Variants in SYT1 observed in about 807,000 individuals in gnomAD.
The protein encoded by SYT1 is synaptotagmin 1.
SYT1 carries 8 observed loss-of-function variants against 44.8 expected under a neutral mutation model. The observed-to-expected ratio is 0.18, with a 90% CI of 0.10 to 0.32. The LOEUF (loss-of-function observed/expected upper bound fraction) is 0.32, where lower values mean the gene tolerates loss of function less well. SYT1 is among the 10% of genes least tolerant of loss of function. SYT1 has a pLI of 1.00. For synonymous variants in SYT1, 154 were observed against 188.8 expected (o/e 0.82, Z 1.51); for missense variants, 286 against 509.3 (o/e 0.56, Z 4.22).
intron 2 of SYT1, among the ~76,000 whole-genome samples, chr12:79,021,856 A>G (rs1872216051): frequency 6.6e-6 from 1 of 151,890 alleles, no homozygotes. Flanking sequence ...TAACATTTTT[A>G]TTCTGTTGCC....
intron 1 of SYT1, among the ~76,000 whole-genome samples, chr12:78,953,555 T>C (rs1009040832): frequency 1.3e-5 from 2 of 152,120 alleles, no homozygotes; most frequent in Admixed American, 1.3e-4. Context: ...GGTATTATTG[T>C]CTTGAAAACT....
chr12:79,148,365 T>A (rs139492975), intron 3 of SYT1, among the ~76,000 whole-genome samples: 13 of 152,282 alleles, frequency 8.5e-5, no homozygotes, highest in African/African-American at 3.1e-4. Context: ...TCAGTGATAA[T>A]CTTTTTTTCC....
intron 8 of SYT1, among the ~76,000 whole-genome samples, chr12:79,312,550 T>C (rs1880861821): frequency 6.6e-6 from 1 of 152,212 alleles, no homozygotes; most frequent in African/African-American, 2.4e-5. Flanking sequence ...TATTTGTAAG[T>C]TGATGTGTAG....
intron 3 of SYT1, among the ~76,000 whole-genome samples, chr12:79,146,508 C>A (rs1245364593): frequency 6.6e-6 from 1 of 152,164 alleles, no homozygotes; most frequent in Non-Finnish European, 1.5e-5. Context: ...GCCTACAACA[C>A]CACCACACCA....
chr12:79,300,052 T>A (rs7978174), intron 8 of SYT1, among the ~76,000 whole-genome samples: 1 of 151,914 alleles, frequency 6.6e-6, no homozygotes, highest in South Asian at 2.1e-4. Context: ...ACATCAAATA[T>A]AATTCACAAA....
chr12:79,301,694 C>A (rs1880158962), intron 8 of SYT1, among the ~76,000 whole-genome samples: 1 of 152,074 alleles, frequency 6.6e-6, no homozygotes, highest in Non-Finnish European at 1.5e-5. Context: ...TGTGTCTCTT[C>A]CCTCTATTTT....
intron 1 of SYT1, among the ~76,000 whole-genome samples, chr12:78,878,890 AG>A (rs1874311475): frequency 6.6e-6 from 1 of 151,758 alleles, no homozygotes; most frequent in South Asian, 2.1e-4. Context: ...CCAGTGCCCC[AG>A]TGTCTTATAA....
Position 79,285,758 on chromosome 12 carries a change from G to T in SYT1, c.167-29G>T. 2.0e-6 allele frequency: 3 copies of T among 1,528,266 alleles called. No homozygotes were observed. The South Asian group carries it at 3.6e-5, about 18-fold the overall frequency. 94.7% of individuals were successfully genotyped at this position (1,528,266 alleles called of 1,614,324 possible). A position where few individuals can be genotyped will look rare whatever the true frequency, so the allele number is the denominator to read the frequency against. The stretch of plus-strand genomic sequence containing the variant: ...GGTTTTCCACATCTAAGTGTTGTAT[G>T]ACTAGTGCTCTCTGTGTGTTTCTTT... On this transcript the variant is annotated intron_variant, in intron 4 of 10. Transcript: ENST00000261205.
chr12:79,216,663 A>G (rs1874824958), intron 3 of SYT1, among the ~76,000 whole-genome samples: 1 of 152,202 alleles, frequency 6.6e-6, no homozygotes, highest in Non-Finnish European at 1.5e-5. Flanking sequence ...AGCTGTTTGT[A>G]TTGATTACTT....
At chr12:78,911,548 T>G (rs1232861184) in intron 1 of SYT1, among the ~76,000 whole-genome samples, 1 of 150,356 alleles carries the variant, frequency 6.7e-6, no homozygotes, top group African/African-American at 2.5e-5. Flanking sequence ...GGTTTAAGAG[T>G]GAGAGAAGAT....
chr12:79,330,804 G>T (rs1299721070), intron 8 of SYT1, among the ~76,000 whole-genome samples: 1 of 152,122 alleles, frequency 6.6e-6, no homozygotes, highest in Admixed American at 6.5e-5. Context: ...TCCTGATGAG[G>T]ACATGAAGGT....
intron 2 of SYT1, chr12:79,045,806 C>T (rs1339139551): frequency 6.6e-6 from 1 of 152,234 alleles, no homozygotes; most frequent in East Asian, 1.9e-4. Context: ...CACTGCATCC[C>T]TTTGGGAAGC....
chr12:78,957,939 A>G (rs974203711), intron 1 of SYT1, among the ~76,000 whole-genome samples: 10 of 152,220 alleles, frequency 6.6e-5, no homozygotes, highest in African/African-American at 2.4e-4. Context: ...CAGCCTTCAG[A>G]TAATTTTCAA....
chr12:78,892,485 TA>T (rs1875112888), intron 1 of SYT1, among the ~76,000 whole-genome samples: 1 of 151,660 alleles, frequency 6.6e-6, no homozygotes, highest in East Asian at 1.9e-4. Flanking sequence ...AAATGACCAG[TA>T]TAGACCTAAA....
intron 1 of SYT1, among the ~76,000 whole-genome samples, chr12:78,896,549 T>C (rs1875368966): frequency 6.6e-6 from 1 of 151,694 alleles, no homozygotes; most frequent in Non-Finnish European, 1.5e-5. Context: ...TTCTGAAACA[T>C]AGAAGAGGTG....
chr12:79,083,793 G>C (rs887813044), intron 3 of SYT1, among the ~76,000 whole-genome samples: 9 of 152,132 alleles, frequency 5.9e-5, no homozygotes, highest in African/African-American at 2.2e-4. Context: ...AATAATAGAA[G>C]AAGCTTTAGC....
intron 3 of SYT1, among the ~76,000 whole-genome samples, chr12:79,168,184 G>C (rs1172985576): frequency 6.6e-6 from 1 of 152,010 alleles, no homozygotes; most frequent in Non-Finnish European, 1.5e-5. Flanking sequence ...AATGTAAAGA[G>C]ACAGGGAGCT....
intron 2 of SYT1, among the ~76,000 whole-genome samples, chr12:79,009,300 TTTTG>T (rs140072117): frequency 0.053 from 8,083 of 152,172 alleles, 256 homozygotes; most frequent in African/African-American, 0.074. Flanking sequence ...GCCCTCTGGT[TTTTG>T]TTTGTTTGTT....
chr12:78,994,606 GC>G (rs1870245976), intron 2 of SYT1, among the ~76,000 whole-genome samples: 1 of 137,768 alleles, frequency 7.3e-6, no homozygotes, highest in Non-Finnish European at 1.5e-5. Flanking sequence ...CGTGACCTCA[GC>G]TCACTGCAAC....
Sources: gnomAD v4.1 joint callset for allele counts (sites outside exome capture counted in the v4.1 genomes callset) on GRCh38, gnomAD v4.1.1 for gene constraint, MANE v1.5 for transcripts, NCBI Gene and HGNC (gene_info 2026-07-23, HGNC 2026-07-21) for gene names.